KAZN: variants seen among roughly 807,000 people sequenced by gnomAD.
The protein encoded by KAZN is kazrin, periplakin interacting protein.
KAZN carries 40 observed loss-of-function variants against 87.4 expected under a neutral mutation model. The ratio of observed to expected loss-of-function variants is 0.46; its 90% CI spans 0.36 to 0.60. KAZN has a LOEUF of 0.60. Among genes scored for constraint, KAZN ranks in the 20% least tolerant of loss-of-function variants. KAZN has a pLI of 0.00. For synonymous variants in KAZN, 466 were observed against 458.3 expected (o/e 1.02, Z -0.22); for missense variants, 898 against 1,073.9 (o/e 0.84, Z 2.29).
rs1274947505 is a variant in KAZN at position 15,114,657 on chromosome 1, C to T, written c.*22C>T. ...GTAAGGAACTGGTGGCTCCACCAGACCCAACGTGAGAGACCCAGGAAGGAA... is the reference window on the plus strand; with the variant it reads ...GTAAGGAACTGGTGGCTCCACCAGATCCAACGTGAGAGACCCAGGAAGGAA... On this transcript the variant is annotated 3_prime_UTR_variant, in exon 15 of 15. Coordinates refer to ENST00000376030, the MANE Select transcript of KAZN (RefSeq NM_201628.3). The T allele has an allele frequency of 3.8e-6, 6 of 1,564,268 alleles. No homozygotes were observed. The South Asian group carries it at 5.9e-5, about 15-fold the overall frequency.
intron 8 of KAZN, among the ~76,000 whole-genome samples, chr1:15,093,505 G>A (rs1175817759): frequency 2.0e-5 from 3 of 152,072 alleles, no homozygotes; most frequent in African/African-American, 4.8e-5. Flanking sequence ...TGTAAGAGGG[G>A]GGCGGGGGAA....
chr1:13,923,905 G>T (rs1442074317), intron 1 of KAZN, among the ~76,000 whole-genome samples: 3 of 151,346 alleles, frequency 2.0e-5, no homozygotes, highest in Non-Finnish European at 4.4e-5. Context: ...TTTGCTGATG[G>T]ATTGAATGCT....
At chr1:14,337,696 C>T (rs972061585) in intron 2 of KAZN, among the ~76,000 whole-genome samples, 1 of 152,104 alleles carries the variant, frequency 6.6e-6, no homozygotes, top group Non-Finnish European at 1.5e-5. Context: ...GAGTTCGAGA[C>T]CAGCCTGGCC....
At chr1:15,003,985 A>G (rs6682548) in intron 2 of KAZN, among the ~76,000 whole-genome samples, 25,439 of 151,952 alleles carry the variant, frequency 0.17, 2,379 homozygotes, top group East Asian at 0.35. Context: ...CCTCCTTTGC[A>G]CCTTCCTTCT....
At chr1:14,418,308 T>G (rs1427501467) in intron 2 of KAZN, among the ~76,000 whole-genome samples, 1 of 152,142 alleles carries the variant, frequency 6.6e-6, no homozygotes, top group Non-Finnish European at 1.5e-5. Flanking sequence ...AGTGTCCATT[T>G]CCTCCCCAGG....
At chr1:14,649,472 G>A (rs780711472) in intron 1 of KAZN, among the ~76,000 whole-genome samples, 90 of 152,084 alleles carry the variant, frequency 5.9e-4, no homozygotes, top group Admixed American at 1.7e-3. Flanking sequence ...AACGGTTCAC[G>A]TTACACCTCA....
chr1:14,018,393 C>T (rs992160456), intron 1 of KAZN, among the ~76,000 whole-genome samples: 10 of 152,214 alleles, frequency 6.6e-5, no homozygotes, highest in African/African-American at 2.4e-4. Context: ...TCTTATCAAT[C>T]TCCCAGTGTG....
chr1:15,112,587 A>AAGGACTTTTTTTTCTTCTCCCAGCGGC, intron 14 of KAZN, 46 bp downstream of exon 14: 2 of 1,293,606 alleles, frequency 1.5e-6, no homozygotes, highest in Non-Finnish European at 2.2e-6. Context: ...AGACCCGGGA[A>AAGGACTTTTTTTTCTTCTCCCAGCGGC]AGGTCTTTTT....
intron 1 of KAZN, among the ~76,000 whole-genome samples, chr1:14,668,135 T>C (rs1639689759): frequency 6.6e-6 from 1 of 152,170 alleles, no homozygotes; most frequent in Admixed American, 6.5e-5. Flanking sequence ...CTTCCACTAT[T>C]AACGAGAAGG....
chr1:14,636,956 A>C (rs2148668245), intron 1 of KAZN, among the ~76,000 whole-genome samples: 1 of 152,312 alleles, frequency 6.6e-6, no homozygotes. Context: ...CAGACATGTC[A>C]CAGCCAAAGG....
chr1:14,304,577 A>G (rs1654786711), intron 2 of KAZN: 1 of 398,162 alleles, frequency 2.5e-6, no homozygotes, highest in African/African-American at 2.1e-5. Context: ...AAACATTGCT[A>G]TTTTTCTTTC....
intron 1 of KAZN, among the ~76,000 whole-genome samples, chr1:14,930,921 C>T (rs1304177000): frequency 6.6e-6 from 1 of 152,212 alleles, no homozygotes; most frequent in Non-Finnish European, 1.5e-5. Context: ...TGCCCCTTCA[C>T]CCCAGCCCGA....
At chr1:14,384,497 C>T (rs1661683668) in intron 2 of KAZN, among the ~76,000 whole-genome samples, 1 of 152,060 alleles carries the variant, frequency 6.6e-6, no homozygotes, top group Non-Finnish European at 1.5e-5. Context: ...CCCATCAATA[C>T]CTAATTTATT....
chr1:14,602,370 G>A (rs2148602516), intron 1 of KAZN, among the ~76,000 whole-genome samples: 1 of 152,298 alleles, frequency 6.6e-6, no homozygotes, highest in East Asian at 1.9e-4. Context: ...TGAGAATGCT[G>A]GCGTACAGTG....
chr1:14,730,126 C>T lies in KAZN; in HGVS notation c.226+130903C>T, dbSNP rs183256428. Among the ~76,000 whole-genome samples, 213 of 152,196 alleles carry T rather than the reference C, an allele frequency of 1.4e-3. 3 individuals are homozygous for T. In the East Asian group the frequency reaches 0.036, roughly 26 times the overall value. On this transcript the variant is annotated intron_variant, in intron 1 of 14. Coordinates refer to ENST00000376030, the MANE Select transcript of KAZN (RefSeq NM_201628.3). ...TGTGACAGAGTCTAGCTCTGTTGCCCAGGCTGGAGTGCAGTGGCGCGATCT... is the reference window on the plus strand; with the variant it reads ...TGTGACAGAGTCTAGCTCTGTTGCCTAGGCTGGAGTGCAGTGGCGCGATCT...
chr1:14,017,150 C>A (rs1640608043), intron 1 of KAZN, among the ~76,000 whole-genome samples: 1 of 152,132 alleles, frequency 6.6e-6, no homozygotes, highest in Admixed American at 6.6e-5. Flanking sequence ...AAATCTGATT[C>A]CTTCTGCTTT....
At chr1:14,624,500 T>C (rs1678963132) in intron 1 of KAZN, among the ~76,000 whole-genome samples, 3 of 152,162 alleles carry the variant, frequency 2.0e-5, no homozygotes, top group South Asian at 4.1e-4. Flanking sequence ...TCAGCTTTCG[T>C]TTACTGTATT....
chr1:14,627,238 G>T (rs1679210773), intron 1 of KAZN, among the ~76,000 whole-genome samples: 1 of 151,904 alleles, frequency 6.6e-6, no homozygotes, highest in Admixed American at 6.6e-5. Context: ...ATGTCAGGGG[G>T]CCAAGCGTCT....
intron 2 of KAZN, among the ~76,000 whole-genome samples, chr1:14,975,443 G>A (rs916998653): frequency 6.6e-6 from 1 of 152,216 alleles, no homozygotes; most frequent in Non-Finnish European, 1.5e-5. Flanking sequence ...ATTCAGACCA[G>A]CTTAGAGAGG....
Sources: allele counts gnomAD v4.1 joint callset (sites outside exome capture counted in the v4.1 genomes callset), GRCh38; gene constraint gnomAD v4.1.1; transcripts MANE v1.5; gene names NCBI Gene and HGNC (gene_info 2026-07-23, HGNC 2026-07-21).